TUSC3: variants seen among roughly 807,000 people sequenced by gnomAD.
The protein encoded by TUSC3 is tumor suppressor candidate 3.
Under a neutral mutation model 44.8 loss-of-function variants are expected in TUSC3, and 45 were observed. The ratio of observed to expected loss-of-function variants is 1.00; its 90% confidence interval spans 0.79 to 1.29. TUSC3 has a LOEUF of 1.29. TUSC3 is among the 50% of genes most tolerant of loss of function. The pLI, the probability that TUSC3 is intolerant of heterozygous loss-of-function variation, is 0.00. For synonymous variants in TUSC3, 212 were observed against 152.9 expected (o/e 1.39, Z -2.85); for missense variants, 519 against 437.9 (o/e 1.19, Z -1.65).
At chr8:15,626,206 A>G (rs1805502472) in intron 2 of TUSC3, among the ~76,000 whole-genome samples, 1 of 152,146 alleles carries the variant, frequency 6.6e-6, no homozygotes, top group Non-Finnish European at 1.5e-5. Flanking sequence ...CTGCCACTCC[A>G]GACCCTGTCC....
chr8:15,714,640 C>T (rs1809991733), intron 6 of TUSC3, among the ~76,000 whole-genome samples: 2 of 152,126 alleles, frequency 1.3e-5, no homozygotes, highest in South Asian at 4.1e-4. Context: ...CAAGGTTATA[C>T]TTCTTTCTTA....
rs1451615343 is a variant in TUSC3 at position 15,657,298 on chromosome 8, CTATTT to C, written c.427-2204_427-2200del. 2.6e-5 allele frequency among the ~76,000 whole-genome samples: 4 copies of C among 152,010 alleles called. No individual in the cohort carries two copies. In the East Asian group the frequency reaches 7.7e-4, roughly 29 times the overall value. ...GTGTCTTTAAATCATTTTTTGTCTTCTATTTTATTATATGCATTTAAAGTAAGCCA... is the reference window on the plus strand; with the variant it reads ...GTGTCTTTAAATCATTTTTTGTCTTCTATTATATGCATTTAAAGTAAGCCA... On this transcript the variant is annotated intron_variant, in intron 3 of 10. Coordinates refer to ENST00000503731, the MANE Select transcript of TUSC3 (RefSeq NM_006765.4).
intron 1 of TUSC3, among the ~76,000 whole-genome samples, chr8:15,482,770 G>C (rs1800679530): frequency 1.3e-5 from 2 of 152,136 alleles, no homozygotes; most frequent in African/African-American, 2.4e-5. Context: ...TGTATATACA[G>C]AAATTCCTAT....
chr8:15,674,177 C>A (rs1391754806), intron 6 of TUSC3, among the ~76,000 whole-genome samples: 1 of 151,912 alleles, frequency 6.6e-6, no homozygotes, highest in Non-Finnish European at 1.5e-5. Context: ...AGCCAATGTC[C>A]CTCCCATCCA....
chr8:15,788,257 G>T, the TUSC3 span, among the ~76,000 whole-genome samples: 26,170 of 152,106 alleles, frequency 0.17, 2,277 homozygotes, highest in South Asian at 0.23. Flanking sequence ...TGTGGGGGAG[G>T]TAAGTACTTA....
the TUSC3 span, among the ~76,000 whole-genome samples, chr8:15,847,926 G>A: frequency 1.3e-5 from 2 of 152,128 alleles, no homozygotes; most frequent in African/African-American, 4.8e-5. Flanking sequence ...AGAAATAAAT[G>A]AAATCATTCT....
the TUSC3 span, among the ~76,000 whole-genome samples, chr8:15,851,390 G>A: frequency 6.6e-6 from 1 of 152,128 alleles, no homozygotes; most frequent in Non-Finnish European, 1.5e-5. Context: ...AAAGTATAAC[G>A]ATGCGATGAT....
intron 6 of TUSC3, among the ~76,000 whole-genome samples, chr8:15,724,930 T>C (rs1426774562): frequency 1.3e-5 from 2 of 152,220 alleles, no homozygotes; most frequent in Non-Finnish European, 2.9e-5. Flanking sequence ...TTTGCAATCA[T>C]GTATTTTAAA....
chr8:15,534,503 C>G (rs28411062), intron 2 of TUSC3, among the ~76,000 whole-genome samples: 27,096 of 151,766 alleles, frequency 0.18, 2,391 homozygotes, highest in South Asian at 0.22. Context: ...ATTAGCCGGG[C>G]TTGGTGGTGG....
chr8:15,485,857 A>G (rs1393390250), intron 2 of TUSC3, among the ~76,000 whole-genome samples: 1 of 152,074 alleles, frequency 6.6e-6, no homozygotes, highest in African/African-American at 2.4e-5. Context: ...CAATGGTGCG[A>G]TGTCACCTCA....
At chr8:15,719,495 TCA>T (rs60355164) in intron 6 of TUSC3, among the ~76,000 whole-genome samples, 57 of 145,312 alleles carry the variant, frequency 3.9e-4, no homozygotes, top group Middle Eastern at 7.2e-3. Flanking sequence ...ATACAGTTCA[TCA>T]CACACACACA....
At chr8:15,768,013 T>C (rs560776019), downstream of TUSC3, among the ~76,000 whole-genome samples, 1 of 152,286 alleles carries the variant, frequency 6.6e-6, no homozygotes, top group East Asian at 1.9e-4. Context: ...TTCTAAGCTT[T>C]CACATCTTGC....
upstream of TUSC3, among the ~76,000 whole-genome samples, chr8:15,537,693 G>C (rs2129131465): frequency 6.6e-6 from 1 of 152,244 alleles, no homozygotes; most frequent in African/African-American, 2.4e-5. Context: ...CAGCATGTTT[G>C]GGGAGGATGG....
chr8:15,582,672 G>A (rs1007682970), intron 1 of TUSC3, among the ~76,000 whole-genome samples: 1 of 152,164 alleles, frequency 6.6e-6, no homozygotes, highest in Admixed American at 6.5e-5. Flanking sequence ...ACATGACATT[G>A]CTCTGAGAAT....
chr8:15,759,527 G>C (rs1812084047), intron 10 of TUSC3, among the ~76,000 whole-genome samples: 1 of 152,006 alleles, frequency 6.6e-6, no homozygotes, highest in Non-Finnish European at 1.5e-5. Flanking sequence ...TTTGCTACCT[G>C]TTCAGATATT....
intron 1 of TUSC3, among the ~76,000 whole-genome samples, chr8:15,444,860 GGTTTTCTTCATCCTGGGAGAAATGTCAAA>G (rs1800071567): frequency 6.6e-6 from 1 of 152,126 alleles, no homozygotes; most frequent in Non-Finnish European, 1.5e-5. Flanking sequence ...TCCATTTGTT[GGTTTTCTTCATCCTGGGAGAAATGTCAAA>G]GTCCCGGCAA....
intron 6 of TUSC3, among the ~76,000 whole-genome samples, chr8:15,681,851 T>A (rs1383750215): frequency 2.0e-5 from 3 of 152,134 alleles, no homozygotes. Context: ...CCAAAGATTT[T>A]GGTATGTTGT....
intron 1 of TUSC3, among the ~76,000 whole-genome samples, chr8:15,472,305 C>A (rs539819153): frequency 1.1e-3 from 162 of 152,302 alleles, no homozygotes; most frequent in Non-Finnish European, 2.1e-3. Context: ...TTCTGGCAGA[C>A]TTTCAGACTA....
At chr8:15,785,052 A>AT in the TUSC3 span, among the ~76,000 whole-genome samples, 2 of 151,980 alleles carry the variant, frequency 1.3e-5, no homozygotes, top group Non-Finnish European at 2.9e-5. Flanking sequence ...TTAAAAATGC[A>AT]TTTTTTTAAA....
Sources: allele counts gnomAD v4.1 joint callset (sites outside exome capture counted in the v4.1 genomes callset), GRCh38; gene constraint gnomAD v4.1.1; transcripts MANE v1.5; gene names NCBI Gene and HGNC (gene_info 2026-07-23, HGNC 2026-07-21).